HPRT1: variants seen among roughly 807,000 people sequenced by gnomAD.
HPRT1 encodes the protein hypoxanthine-guanine phosphoribosyltransferase.
In HPRT1, 4 loss-of-function variants were observed where a neutral mutation model predicts 19.0. That is an observed-to-expected ratio of 0.21 (90% CI 0.10 to 0.48). The LOEUF (loss-of-function observed/expected upper bound fraction) is 0.48, where lower values mean the gene tolerates loss of function less well. Among genes scored for constraint, HPRT1 ranks in the 20% least tolerant of loss-of-function variants. The pLI is 0.98. For synonymous variants in HPRT1, 53 were observed against 54.9 expected, an observed-to-expected ratio of 0.97 and a Z score of 0.15; for missense variants, 65 against 164.0, an observed-to-expected ratio of 0.40 and a Z score of 3.30.
chrX:134,480,307 G>A lies in HPRT1; in HGVS notation c.318+4943G>A, dbSNP rs752759554. ...TTGGAAAAACTTTTTAACTGATGTG[G>A]ATCCTCTAATATGGGCTTCCTATTA... On this transcript the variant is annotated intron_variant, in intron 3 of 8. Coordinates refer to ENST00000298556, the MANE Select transcript of HPRT1 (RefSeq NM_000194.3). 1.7e-4 allele frequency among the ~76,000 whole-genome samples: 19 copies of A among 111,241 alleles called. No homozygotes were observed. In the Admixed American group the frequency reaches 1.8e-3, roughly 11 times the overall value.
chrX:134,471,543 T>G (rs761440497), intron 1 of HPRT1, among the ~76,000 whole-genome samples: 2 of 112,236 alleles, frequency 1.8e-5, no homozygotes, highest in South Asian at 7.4e-4. Context: ...TTTCAAAAGA[T>G]CACTTAGCTT....
At chrX:134,468,742 G>A (rs1385495061) in intron 1 of HPRT1, among the ~76,000 whole-genome samples, 18 of 94,983 alleles carry the variant, frequency 1.9e-4, no homozygotes, top group African/African-American at 7.2e-4. Flanking sequence ...GCGACAGAGC[G>A]AGACTCCGTC....
At chrX:134,482,219 A>G (rs1040675274) in intron 3 of HPRT1, among the ~76,000 whole-genome samples, 1 of 109,640 alleles carries the variant, frequency 9.1e-6, no homozygotes, top group Admixed American at 9.8e-5. Context: ...ACGCCCAGCT[A>G]ATTTTTTGTA....
At chrX:134,462,017 A>G (rs146868591) in intron 1 of HPRT1, among the ~76,000 whole-genome samples, 1 of 110,814 alleles carries the variant, frequency 9.0e-6, no homozygotes, top group Non-Finnish European at 1.9e-5. Context: ...GTCACCTAGG[A>G]TGGAGTGCAG....
At chrX:134,499,693 A>G (rs2077690460) in intron 8 of HPRT1, among the ~76,000 whole-genome samples, 1 of 107,645 alleles carries the variant, frequency 9.3e-6, no homozygotes, top group Non-Finnish European at 1.9e-5. Context: ...AGTCTCAGCT[A>G]CTCGGGAGGC....
At chrX:134,491,572 T>C (rs1028338704) in intron 5 of HPRT1, among the ~76,000 whole-genome samples, 1 of 110,645 alleles carries the variant, frequency 9.0e-6, no homozygotes, top group Non-Finnish European at 1.9e-5. Flanking sequence ...TTAGGTTGTT[T>C]CCACTGTTTG....
chrX:134,481,636 A>T, intron 3 of HPRT1, among the ~76,000 whole-genome samples: 1 of 111,083 alleles, frequency 9.0e-6, no homozygotes, highest in Middle Eastern at 4.6e-3. Context: ...TTTGGCAGGA[A>T]TGGGGATGTG....
intron 3 of HPRT1, among the ~76,000 whole-genome samples, chrX:134,483,577 C>T (rs2077645262): frequency 9.0e-6 from 1 of 111,007 alleles, no homozygotes; most frequent in African/African-American, 3.3e-5. Context: ...GGTAGAGCAA[C>T]TCTGGAGGAA....
At chrX:134,461,556 T>C (rs2077584110) in intron 1 of HPRT1, among the ~76,000 whole-genome samples, 1 of 112,213 alleles carries the variant, frequency 8.9e-6, no homozygotes, top group Admixed American at 9.5e-5. Context: ...ATTTTATGTA[T>C]ATCTGAGGTG....
intron 5 of HPRT1, among the ~76,000 whole-genome samples, chrX:134,491,899 T>TTGTG (rs752346123): frequency 3.0e-5 from 3 of 100,813 alleles, no homozygotes; most frequent in South Asian, 4.5e-4. Flanking sequence ...GCCTGGCTAA[T>TTGTG]TGTGTGTGTG....
chrX:134,467,599 G>T (rs2077600318), intron 1 of HPRT1, among the ~76,000 whole-genome samples: 1 of 111,507 alleles, frequency 9.0e-6, no homozygotes, highest in Admixed American at 9.6e-5. Flanking sequence ...CCACCAAGTA[G>T]ATTTCTGTCT....
chrX:134,460,545 T>TC (rs1240563819), intron 1 of HPRT1: 4 of 250,252 alleles, frequency 1.6e-5, no homozygotes, highest in Non-Finnish European at 2.1e-5. Context: ...GGTGGGTCCC[T>TC]CCTCGGGGGA....
At chrX:134,496,472 C>A (rs759566401) in intron 6 of HPRT1, among the ~76,000 whole-genome samples, 12 of 112,308 alleles carry the variant, frequency 1.1e-4, no homozygotes, top group Non-Finnish European at 2.3e-4. Context: ...GATCTCTAGG[C>A]ATATGAAGTG....
At chrX:134,483,686 C>G (rs1376033185) in intron 3 of HPRT1, among the ~76,000 whole-genome samples, 1 of 111,518 alleles carries the variant, frequency 9.0e-6, no homozygotes, top group Non-Finnish European at 1.9e-5. Flanking sequence ...AAGCTTGTTC[C>G]AGACAGCCAA....
chrX:134,460,359 G>A (rs774525825), intron 1 of HPRT1, 21 bp downstream of exon 1: 1 of 1,102,436 alleles, frequency 9.1e-7, no homozygotes, highest in South Asian at 2.0e-5. Context: ...CGGCCTGCCG[G>A]CCCTGGCCGG....
At chrX:134,473,507 G>A (rs751314237) in intron 2 of HPRT1, 42 bp downstream of exon 2, 1 of 827,936 alleles carries the variant, frequency 1.2e-6, no homozygotes, top group African/African-American at 2.0e-5. Context: ...TTTTTCTTGT[G>A]TTAATTTCAA....
At chrX:134,490,144 C>A in intron 4 of HPRT1, 44 bp from the exon 5 acceptor site, 1 of 878,965 alleles carries the variant, frequency 1.1e-6, no homozygotes, top group Non-Finnish European at 1.6e-6. Flanking sequence ...TTGGAAATAC[C>A]GTTTTATTCA....
At chrX:134,461,462 G>C (rs1004430552) in intron 1 of HPRT1, among the ~76,000 whole-genome samples, 1 of 112,453 alleles carries the variant, frequency 8.9e-6, no homozygotes, top group African/African-American at 3.2e-5. Context: ...TATTAACGGA[G>C]TCTAACTGGG....
rs2077692493 is a variant in HPRT1 at position 134,500,409 on chromosome X, G to A, written c.*332G>A. Reference sequence around the variant, plus strand: ...GAGAAGATATATTAGTTTTTTAATTGGTATTTTAATTTTTATATATGCAGG... The same window carrying A: ...GAGAAGATATATTAGTTTTTTAATTAGTATTTTAATTTTTATATATGCAGG... On this transcript the variant is annotated 3_prime_UTR_variant, in exon 9 of 9. Transcript: ENST00000298556. 1 of 176,246 alleles carries A rather than the reference G, an allele frequency of 5.7e-6. No individual in the cohort carries two copies. The highest frequency in any genetic ancestry group is 7.2e-5 in the Admixed American group (1 of 13,975). 14.5% of individuals were successfully genotyped at this position (176,246 alleles called of 1,213,427 possible).
Sources: gnomAD v4.1 joint callset for allele counts (sites outside exome capture counted in the v4.1 genomes callset) on GRCh38, gnomAD v4.1.1 for gene constraint, MANE v1.5 for transcripts, NCBI Gene and HGNC (gene_info 2026-07-23, HGNC 2026-07-21) for gene names.